PAPPA: variants seen among roughly 807,000 people sequenced by gnomAD.
PAPPA encodes the protein pappalysin 1, also known as pappalysin-1.
In PAPPA, 60 loss-of-function variants were observed where a neutral mutation model predicts 164.0. The observed-to-expected ratio is 0.37, with a 90% CI of 0.30 to 0.45. The LOEUF is 0.45. PAPPA is among the 20% of genes least tolerant of loss of function. The pLI is 1.00. For synonymous variants in PAPPA, 875 were observed against 814.1 expected (o/e 1.07, Z -1.27); for missense variants, 1,782 against 2,087.3 (o/e 0.85, Z 2.85).
At chr9:116,175,877 A>G (rs557881856) in intron 1 of PAPPA, among the ~76,000 whole-genome samples, 11 of 152,316 alleles carry the variant, frequency 7.2e-5, no homozygotes, top group African/African-American at 2.6e-4. Flanking sequence ...CAACAACTAA[A>G]CAACCAAAAA....
chr9:116,234,457 T>C (rs1276513086), intron 6 of PAPPA, among the ~76,000 whole-genome samples: 3 of 152,160 alleles, frequency 2.0e-5, no homozygotes, highest in Non-Finnish European at 2.9e-5. Flanking sequence ...TTCATGGTTC[T>C]AGACAGTTTC....
At chr9:116,244,653 G>C (rs564709689) in intron 7 of PAPPA, among the ~76,000 whole-genome samples, 40 of 152,192 alleles carry the variant, frequency 2.6e-4, no homozygotes, top group South Asian at 2.5e-3. Context: ...ATTATAAAAA[G>C]ATAAAAAATA....
chr9:116,270,663 C>G (rs925095087), intron 8 of PAPPA, among the ~76,000 whole-genome samples: 6 of 152,252 alleles, frequency 3.9e-5, no homozygotes, highest in African/African-American at 1.4e-4. Flanking sequence ...TCTGCCCATC[C>G]CAACCCTTTG....
At chr9:116,247,037 A>AG (rs1564197614) in intron 7 of PAPPA, among the ~76,000 whole-genome samples, 1 of 152,110 alleles carries the variant, frequency 6.6e-6, no homozygotes. Flanking sequence ...GAATAAAAAA[A>AG]AGAGAGAGAG....
intron 20 of PAPPA, among the ~76,000 whole-genome samples, 161 bp downstream of exon 20, chr9:116,377,808 A>C (rs1564248319): frequency 6.6e-6 from 1 of 152,228 alleles, no homozygotes; most frequent in Non-Finnish European, 1.5e-5. Flanking sequence ...CTTATTTTAC[A>C]GATGATGGAA....
At chr9:116,223,610 C>G (rs1318967953) in intron 5 of PAPPA, among the ~76,000 whole-genome samples, 1 of 152,148 alleles carries the variant, frequency 6.6e-6, no homozygotes, top group East Asian at 1.9e-4. Context: ...CAAAACATAT[C>G]TAATTAGGGT....
Position 116,187,194 on chromosome 9 carries a change from A to C in PAPPA, c.456A>C (p.Gly152=). The change falls in exon 2 of 22, where the codon GGA becomes GGC. Residue 152 remains glycine (G), a synonymous_variant. Transcript: ENST00000328252. This position sits in a 1 kb window ranked among gnomAD's most constrained non-coding sequence, Gnocchi z 4.2. ...GTTCTTATATCTCACGTGACCGAGG[A>C]TGGGTCGTGGGCATTCACACCATCA... ...DKCSYISRDR[G]WVVGIHTISD... 6.2e-7 allele frequency: 1 copy of C among 1,614,042 alleles called. No individual in the cohort carries two copies. Among genetic ancestry groups the C allele is most frequent in the Non-Finnish European group, 8.5e-7 (1 of 1,180,008 alleles).
rs370269303 is a variant in PAPPA, at chr9:116,321,262, C to T, written c.3148-9982C>T. Reference sequence around the variant, plus strand: ...CAAGATGGTCTCGATCTCCTGACCTCGTGATCCGCCCGCCTCAGCCTCCCA... The same window carrying T: ...CAAGATGGTCTCGATCTCCTGACCTTGTGATCCGCCCGCCTCAGCCTCCCA... On this transcript the variant is annotated intron_variant, in intron 10 of 21. Transcript: ENST00000328252. 2.2e-3 allele frequency among the ~76,000 whole-genome samples: 337 copies of T among 152,098 alleles called. 1 individual carries two copies. The highest frequency in any genetic ancestry group is 6.7e-3 in the African/African-American group (279 of 41,502).
intron 21 of PAPPA, among the ~76,000 whole-genome samples, chr9:116,385,996 G>A (rs888652262): frequency 1.3e-5 from 2 of 152,234 alleles, no homozygotes; most frequent in Non-Finnish European, 2.9e-5. Context: ...GCTTCTCTGA[G>A]GAAGGGACAT....
intron 9 of PAPPA, among the ~76,000 whole-genome samples, chr9:116,273,194 C>G (rs1486562159): frequency 2.0e-5 from 3 of 152,238 alleles, no homozygotes; most frequent in Middle Eastern, 3.4e-3. Context: ...GATGCTTGAG[C>G]CTTGACATTC....
chr9:116,261,371 G>A (rs1587976991), intron 7 of PAPPA, among the ~76,000 whole-genome samples: 5 of 152,246 alleles, frequency 3.3e-5, no homozygotes, highest in Admixed American at 2.6e-4. Flanking sequence ...TTTTCTGGAA[G>A]AAGCAAAATG....
chr9:116,393,495 G>T (rs1161370098), intron 21 of PAPPA, among the ~76,000 whole-genome samples: 1 of 152,184 alleles, frequency 6.6e-6, no homozygotes, highest in Non-Finnish European at 1.5e-5. Context: ...CATGGTCCCT[G>T]CCCAGAGTGA....
chr9:116,374,979 G>A (rs1846630502), intron 19 of PAPPA, among the ~76,000 whole-genome samples: 1 of 152,238 alleles, frequency 6.6e-6, no homozygotes, highest in African/African-American at 2.4e-5. Context: ...TTTCTTCACT[G>A]TGCTCCACGC....
At chr9:116,249,485 T>C (rs113313714) in intron 7 of PAPPA, among the ~76,000 whole-genome samples, 1,838 of 152,250 alleles carry the variant, frequency 0.012, 46 homozygotes, top group African/African-American at 0.043. Flanking sequence ...TGAGTGTCTG[T>C]AAGGTAAGAG....
chr9:116,349,184 GAGTGATTGTCCTTATTCC>G lies in PAPPA; in HGVS notation c.3964+1979_3964+1996del, dbSNP rs1846250292. 2.6e-5 allele frequency among the ~76,000 whole-genome samples: 4 copies of G among 151,126 alleles called. No homozygotes were observed. The South Asian group carries it at 6.3e-4, about 24-fold the overall frequency. On this transcript the variant is annotated intron_variant, in intron 15 of 21. Transcript: ENST00000328252. ...CCTTGGCTAATGCAGCCAGTTGATT[GAGTGATTGTCCTTATTCC>G]AGTCCAGCTAGTGCATTTTTGTTTC... is the stretch of plus-strand genomic sequence containing the variant.
chr9:116,220,742 C>T (rs958661102), intron 5 of PAPPA, among the ~76,000 whole-genome samples: 10 of 151,344 alleles, frequency 6.6e-5, no homozygotes, highest in Middle Eastern at 3.4e-3. Context: ...AAAAATTAGA[C>T]GGGTGTGGTG....
intron 19 of PAPPA, among the ~76,000 whole-genome samples, chr9:116,369,111 CCT>C (rs993004417): frequency 2.1e-4 from 32 of 152,142 alleles, no homozygotes; most frequent in African/African-American, 7.5e-4. Flanking sequence ...GTTCTGTCTT[CCT>C]CTCTCCCACA....
intron 20 of PAPPA, among the ~76,000 whole-genome samples, chr9:116,378,028 A>T (rs2118686316): frequency 6.6e-6 from 1 of 152,284 alleles, no homozygotes; most frequent in African/African-American, 2.4e-5. Flanking sequence ...TAACCTTTAC[A>T]GAGTCAGGTG....
At chr9:116,165,746 A>C (rs1370483717) in intron 1 of PAPPA, among the ~76,000 whole-genome samples, 1 of 152,036 alleles carries the variant, frequency 6.6e-6, no homozygotes, top group Non-Finnish European at 1.5e-5. Flanking sequence ...CTTATCTTCT[A>C]TTTCCAGTGC....
Sources: gnomAD v4.1 joint callset for allele counts (sites outside exome capture counted in the v4.1 genomes callset) on GRCh38, gnomAD v4.1.1 for gene constraint, Gnocchi (gnomAD v3.1) non-coding constraint, MANE v1.5 for transcripts, NCBI Gene and HGNC (gene_info 2026-07-23, HGNC 2026-07-21) for gene names.